MVB12B: variants seen among roughly 807,000 people sequenced by gnomAD.
MVB12B encodes the protein multivesicular body subunit 12B, also known as ESCRT-I complex subunit MVB12B.
MVB12B carries 16 observed loss-of-function variants against 41.6 expected under a neutral mutation model. The observed-to-expected ratio is 0.38, with a 90% CI of 0.26 to 0.58. The LOEUF (loss-of-function observed/expected upper bound fraction) is 0.58, where lower values mean the gene tolerates loss of function less well. Ranked by LOEUF, MVB12B falls within the 20% of genes least tolerant of loss-of-function variation. MVB12B has a pLI of 0.62. For synonymous variants in MVB12B, 133 were observed against 139.7 expected, an observed-to-expected ratio of 0.95 and a Z score of 0.34; for missense variants, 274 against 380.2, an observed-to-expected ratio of 0.72 and a Z score of 2.32.
intron 9 of MVB12B, 98 bp from the exon 10 acceptor site, chr9:126,503,079 G>A (rs1384901637): frequency 1.8e-6 from 2 of 1,104,476 alleles, no homozygotes; most frequent in Non-Finnish European, 2.7e-6. Flanking sequence ...CCACGAGGCG[G>A]CCCAGGCCTC....
At chr9:126,488,158 T>C (rs1385291608) in intron 9 of MVB12B, among the ~76,000 whole-genome samples, 1 of 152,140 alleles carries the variant, frequency 6.6e-6, no homozygotes, top group African/African-American at 2.4e-5. Context: ...CGACTGGCTG[T>C]CACTCTTGGA....
intron 7 of MVB12B, among the ~76,000 whole-genome samples, chr9:126,466,657 G>A (rs1202591235): frequency 6.6e-6 from 1 of 152,116 alleles, no homozygotes; most frequent in Non-Finnish European, 1.5e-5. Flanking sequence ...GTGTTGTATT[G>A]TTGAATTTAT....
At chr9:126,501,966 G>T (rs748230396) in intron 9 of MVB12B, among the ~76,000 whole-genome samples, 4 of 152,136 alleles carry the variant, frequency 2.6e-5, no homozygotes, top group Admixed American at 6.5e-5. Context: ...GTTCCTGAGG[G>T]CCTCCCTTCC....
chr9:126,407,789 CT>C (rs1209073530), intron 6 of MVB12B, among the ~76,000 whole-genome samples: 1 of 152,042 alleles, frequency 6.6e-6, no homozygotes, highest in Non-Finnish European at 1.5e-5. Context: ...AAAATTTCTC[CT>C]TAACTATTTC....
chr9:126,331,425 C>A (rs1829128246), intron 1 of MVB12B, among the ~76,000 whole-genome samples: 1 of 152,182 alleles, frequency 6.6e-6, no homozygotes, highest in Non-Finnish European at 1.5e-5. Context: ...TTTGGAAAGA[C>A]TTGTTATTCA....
chr9:126,384,488 T>C (rs1359369822), intron 3 of MVB12B, among the ~76,000 whole-genome samples: 1 of 152,202 alleles, frequency 6.6e-6, no homozygotes, highest in African/African-American at 2.4e-5. Flanking sequence ...ATCATATAGT[T>C]TAGATTTGAC....
intron 9 of MVB12B, among the ~76,000 whole-genome samples, chr9:126,487,293 T>C (rs1256797974): frequency 1.3e-5 from 2 of 152,160 alleles, no homozygotes; most frequent in East Asian, 3.9e-4. Context: ...GCCACTGTCA[T>C]CACAGCCACC....
At chr9:126,481,499 C>CCCTGCGTGCTGTGTAA in intron 8 of MVB12B, 75 bp downstream of exon 8, 3 of 1,098,004 alleles carry the variant, frequency 2.7e-6, no homozygotes, top group Non-Finnish European at 4.2e-6. Context: ...ATTTACACAG[C>CCCTGCGTGCTGTGTAA]ACGCAGGGCT....
At chr9:126,413,838 G>A (rs936871179) in intron 6 of MVB12B, among the ~76,000 whole-genome samples, 1 of 115,208 alleles carries the variant, frequency 8.7e-6, no homozygotes, top group African/African-American at 2.8e-5. Context: ...GTGTGTGTGT[G>A]TGTGTGTGTG....
chr9:126,335,968 T>G (rs1344652082), intron 1 of MVB12B, among the ~76,000 whole-genome samples: 2 of 152,252 alleles, frequency 1.3e-5, no homozygotes, highest in East Asian at 3.8e-4. Flanking sequence ...CCTTCAGCCC[T>G]GAGCAGCAGC....
chr9:126,385,115 G>T (rs1234881111), intron 3 of MVB12B, among the ~76,000 whole-genome samples: 1 of 152,118 alleles, frequency 6.6e-6, no homozygotes, highest in Non-Finnish European at 1.5e-5. Context: ...GGGATTACAG[G>T]CATGAGCAAC....
intron 2 of MVB12B, among the ~76,000 whole-genome samples, chr9:126,358,390 G>A (rs918570905): frequency 1.3e-5 from 2 of 151,666 alleles, no homozygotes; most frequent in African/African-American, 4.8e-5. Flanking sequence ...AAATGTGTGG[G>A]TCAATTCGCA....
intron 2 of MVB12B, among the ~76,000 whole-genome samples, chr9:126,353,849 C>T (rs1267218582): frequency 6.6e-6 from 1 of 152,162 alleles, no homozygotes; most frequent in African/African-American, 2.4e-5. Flanking sequence ...TATTCCCATT[C>T]ATACATCTCT....
intron 7 of MVB12B, among the ~76,000 whole-genome samples, chr9:126,472,320 C>T (rs1208388773): frequency 6.6e-6 from 1 of 151,846 alleles, no homozygotes; most frequent in African/African-American, 2.4e-5. Flanking sequence ...GCTATAATCC[C>T]ATCTCGTTGC....
In MVB12B at chr9:126,397,491, GT is replaced by G. The variant is rs1412822390; in HGVS notation, c.662+1798del. 3 of 985,328 alleles carry G rather than the reference GT, an allele frequency of 3.0e-6. No individual in the cohort carries two copies. In the Admixed American group the frequency reaches 1.8e-4, roughly 61 times the overall value. 61.0% of individuals were successfully genotyped at this position (985,328 alleles called of 1,614,324 possible). On this transcript the variant is annotated intron_variant, in intron 6 of 9. Coordinates refer to ENST00000361171, the MANE Select transcript of MVB12B (RefSeq NM_033446.3). ...CAATGGCTGCAAGGAAATCGGATCA[GT>G]TTTGTTTTACTTGCCAAATAAAACA...
At chr9:126,503,056 A>G (rs1564355295) in intron 9 of MVB12B, 121 bp from the exon 10 acceptor site, 16 of 873,148 alleles carry the variant, frequency 1.8e-5, no homozygotes, top group Non-Finnish European at 2.1e-5. Context: ...CAGCTGCGCC[A>G]TGTCAAGATG....
intron 6 of MVB12B, chr9:126,397,144 C>G (rs994020751): frequency 3.1e-5 from 31 of 985,382 alleles, no homozygotes; most frequent in Non-Finnish European, 3.7e-5. Context: ...GGAAAGCCCC[C>G]ACAGGAGCAG....
Position 126,395,683 on chromosome 9 carries a change from C to T in MVB12B, c.648C>T (p.Ala216=), listed in dbSNP as rs2119008653. ...PSQSSAASTP[A]PNLPRHISLT... ...AGTCATCAGCTGCCTCCACCCCAGC[C>T]CCCAACCTTCCCAGGTGAGGCCTTG... Residue 216 remains alanine, a synonymous_variant, in exon 6 of 10, where the codon GCC becomes GCT. Coordinates refer to ENST00000361171, the MANE Select transcript of MVB12B (RefSeq NM_033446.3). This position sits in a 1 kb window ranked among gnomAD's most constrained non-coding sequence, Gnocchi z 4.9. 6.2e-7 allele frequency: 1 copy of T among 1,614,096 alleles called. No homozygotes were observed. Among genetic ancestry groups the T allele is most frequent in the Non-Finnish European group, 8.5e-7 (1 of 1,179,968 alleles).
intron 2 of MVB12B, among the ~76,000 whole-genome samples, chr9:126,355,983 GTTCTGTTGCTA>G (rs1034270052): frequency 6.6e-6 from 1 of 152,092 alleles, no homozygotes; most frequent in African/African-American, 2.4e-5. Context: ...ACCAATCTGT[GTTCTGTTGCTA>G]TGGGTTTGCC....
Sources: allele counts gnomAD v4.1 joint callset (sites outside exome capture counted in the v4.1 genomes callset), GRCh38; gene constraint gnomAD v4.1.1; non-coding constraint Gnocchi (gnomAD v3.1); transcripts MANE v1.5; gene names NCBI Gene and HGNC (gene_info 2026-07-23, HGNC 2026-07-21).